Variants in SNRNP25 observed in about 807,000 individuals in gnomAD.
SNRNP25 encodes U11/U12 small nuclear ribonucleoprotein 25 kDa protein.
SNRNP25 carries 21 observed loss-of-function variants against 23.9 expected under a neutral mutation model. The observed-to-expected ratio is 0.88, with a 90% CI of 0.62 to 1.27. The LOEUF (loss-of-function observed/expected upper bound fraction) is 1.27, where lower values mean the gene tolerates loss of function less well. Among genes scored for constraint, SNRNP25 ranks in the 50% most tolerant of loss-of-function variants. The pLI is 0.00. For missense variants in SNRNP25, 160 were observed against 156.9 expected, an observed-to-expected ratio of 1.02 and a Z score of -0.11; for synonymous variants, 63 against 60.4, an observed-to-expected ratio of 1.04 and a Z score of -0.20.
Position 57,382 on chromosome 16 carries a change from C to T in SNRNP25, c.*239C>T. The T allele has an allele frequency of 1.7e-6, 1 of 573,858 alleles. No homozygotes were observed. Among genetic ancestry groups the T allele is most frequent in the Non-Finnish European group, 3.1e-6 (1 of 320,492 alleles). 35.5% of individuals were successfully genotyped at this position (573,858 alleles called of 1,614,324 possible). ...ACTGACCTCTCCCTAGGTCCAAATGCCCTAGTCACATGGCAGACCCACGGC... is the reference window on the plus strand; with the variant it reads ...ACTGACCTCTCCCTAGGTCCAAATGTCCTAGTCACATGGCAGACCCACGGC... On this transcript the variant is annotated 3_prime_UTR_variant, in exon 5 of 5. Transcript: ENST00000293861.
rs1567109963 is a variant in SNRNP25 at position 56,596 on chromosome 16, C to CA, written c.298dup (p.Arg100LysfsTer70). Reference sequence around the variant, plus strand: ...CTGCAGGAGAGAAACTCACGGAAGACAGAAAGAAGCTCCGAGAGTAAGTGC... The same window carrying CA: ...CTGCAGGAGAGAAACTCACGGAAGACAAGAAAGAAGCTCCGAGAGTAAGTGC... On this transcript the variant is annotated frameshift_variant, in exon 4 of 5. Transcript: ENST00000293861. LOFTEE classifies it high-confidence loss of function. The CA allele has an allele frequency of 6.2e-7, 1 of 1,614,020 alleles. No homozygotes were observed. Among genetic ancestry groups the CA allele is most frequent in the Admixed American group, 1.7e-5 (1 of 60,024 alleles).
Position 53,879 on chromosome 16 carries a change from G to A in SNRNP25, c.-138G>A, listed in dbSNP as rs531906045. 24 of 1,488,798 alleles carry A rather than the reference G, an allele frequency of 1.6e-5. No individual in the cohort carries two copies. In the East Asian group the frequency reaches 5.4e-4, roughly 34 times the overall value. The allele number at this position is 1,488,798 out of a possible 1,614,324, so 92.2% of individuals were successfully genotyped here. On this transcript the variant is annotated 5_prime_UTR_variant, in exon 1 of 5. Coordinates refer to ENST00000293861, the MANE Select transcript of SNRNP25 (RefSeq NM_024571.4). The stretch of plus-strand genomic sequence containing the variant: ...CTCCCTAGTGCGGGCTGGCAGTGCG[G>A]GCAGAGCCCGGCTGAGAGGGGCGGC...
intron 2 of SNRNP25, 63 bp from the exon 3 acceptor site, chr16:55,713 CA>C: frequency 1.3e-6 from 2 of 1,584,194 alleles, no homozygotes; most frequent in Non-Finnish European, 1.7e-6. Flanking sequence ...CCTTTCCTGC[CA>C]TCGGAGGCTG....
At position 57,251 on chromosome 16, in the gene SNRNP25, C is replaced by A; in HGVS notation, c.*108C>A. The A allele has an allele frequency of 8.1e-7, 1 of 1,239,566 alleles. No homozygotes were observed. The highest frequency in any genetic ancestry group is 1.2e-6 in the Non-Finnish European group (1 of 844,950). The allele number at this position is 1,239,566 out of a possible 1,614,324, so 76.8% of individuals were successfully genotyped here. The stretch of plus-strand genomic sequence containing the variant: ...TTTCACAGAAAGGACGTTGTGGTGG[C>A]CTCACCCCAGGCATGCCCAACAGTA... On this transcript the variant is annotated 3_prime_UTR_variant, in exon 5 of 5. Transcript: ENST00000293861.
chr16:57,286 A>G lies in SNRNP25; in HGVS notation c.*143A>G. The G allele has an allele frequency of 1.2e-6, 1 of 855,184 alleles. No homozygotes were observed. The highest frequency in any genetic ancestry group is 1.9e-6 in the Non-Finnish European group (1 of 522,572). The allele number at this position is 855,184 out of a possible 1,614,324, so 53.0% of individuals were successfully genotyped here. ...GGCATGCCCAACAGTAACTGTCAGCATAAACCTGGGGGCCCTCAGGACTAG... is the reference window on the plus strand; with the variant it reads ...GGCATGCCCAACAGTAACTGTCAGCGTAAACCTGGGGGCCCTCAGGACTAG... On this transcript the variant is annotated 3_prime_UTR_variant, in exon 5 of 5. Coordinates refer to ENST00000293861, the MANE Select transcript of SNRNP25 (RefSeq NM_024571.4).
chr16:53,992 G>A lies in SNRNP25; in HGVS notation c.-25G>A. On this transcript the variant is annotated 5_prime_UTR_variant, in exon 1 of 5. An upstream start codon of the reference 5' UTR is lost. Coordinates refer to ENST00000293861, the MANE Select transcript of SNRNP25 (RefSeq NM_024571.4). Reference sequence around the variant, plus strand: ...AGGCGCTGCCGCACTCCGAGGCCATGGACGTGTTCCAGGAGGGTCTGGCTA... The same window carrying A: ...AGGCGCTGCCGCACTCCGAGGCCATAGACGTGTTCCAGGAGGGTCTGGCTA... 6.2e-7 allele frequency: 1 copy of A among 1,609,648 alleles called. No homozygotes were observed. The highest frequency in any genetic ancestry group is 8.5e-7 in the Non-Finnish European group (1 of 1,178,672).
Position 55,479 on chromosome 16 carries a change from C to T in SNRNP25, c.63C>T (p.Asn21=). The change falls in exon 2 of 5, where the codon AAC becomes AAT. Residue 21 remains asparagine, a synonymous_variant. Coordinates refer to ENST00000293861, the MANE Select transcript of SNRNP25 (RefSeq NM_024571.4). ...TGTAGGTTACTCTGGAAGAAGTCAA[C>T]TCCCAAATAGCCCTAGAATACGGCC... ...LPIQVTLEEV[N]SQIALEYGQA... 6.2e-7 allele frequency: 1 copy of T among 1,614,168 alleles called. No homozygotes were observed. Among genetic ancestry groups the T allele is most frequent in the Non-Finnish European group, 8.5e-7 (1 of 1,180,024 alleles).
intron 1 of SNRNP25, among the ~76,000 whole-genome samples, chr16:54,758 C>G (rs530935040): frequency 1.3e-5 from 2 of 152,162 alleles, no homozygotes; most frequent in South Asian, 4.1e-4. Flanking sequence ...TGGTCCGTTG[C>G]CAGGCTGGAG....
rs144268143 is a variant in SNRNP25, at chr16:56,587, C to A, written c.288C>A (p.Leu96=). Reference sequence around the variant, plus strand: ...ATCTGACCTCTGCAGGAGAGAAACTCACGGAAGACAGAAAGAAGCTCCGAG... The same window carrying A: ...ATCTGACCTCTGCAGGAGAGAAACTAACGGAAGACAGAAAGAAGCTCCGAG... ...TYHLTSAGEK[L]TEDRKKLRDY... Residue 96 remains leucine (L), a synonymous_variant, in exon 4 of 5, where the codon CTC becomes CTA. Coordinates refer to ENST00000293861, the MANE Select transcript of SNRNP25 (RefSeq NM_024571.4). 12 of 1,613,944 alleles carry A rather than the reference C, an allele frequency of 7.4e-6. No homozygotes were observed. The African/African-American group carries it at 1.5e-4, about 20-fold the overall frequency.
In SNRNP25 at chr16:57,155, G is replaced by T. The variant is rs765977490; in HGVS notation, c.*12G>T. 1 of 1,613,732 alleles carries T rather than the reference G, an allele frequency of 6.2e-7. No homozygotes were observed. The highest frequency in any genetic ancestry group is 8.5e-7 in the Non-Finnish European group (1 of 1,179,824). The stretch of plus-strand genomic sequence containing the variant: ...TGAGGCAAAAGTGAGCCTCCAGACA[G>T]GACAACCCTCTTCATCACTGGTGGC... On this transcript the variant is annotated 3_prime_UTR_variant, in exon 5 of 5. Coordinates refer to ENST00000293861, the MANE Select transcript of SNRNP25 (RefSeq NM_024571.4).
Position 57,429 on chromosome 16 carries a change from A to C in SNRNP25, c.*286A>C. 2.1e-6 allele frequency: 1 copy of C among 467,628 alleles called. No homozygotes were observed. Among genetic ancestry groups the C allele is most frequent in the Non-Finnish European group, 3.9e-6 (1 of 258,996 alleles). 29.0% of individuals were successfully genotyped at this position (467,628 alleles called of 1,614,324 possible). ...CGGCCTGGCCCACTGTATAAAATAA[A>C]CCTGTTTGCTTCTTAGTTTGAAAAG... On this transcript the variant is annotated 3_prime_UTR_variant, in exon 5 of 5. Transcript: ENST00000293861.
chr16:55,443 C>T lies in SNRNP25; in HGVS notation c.43-16C>T, dbSNP rs1897393935. 1.2e-6 allele frequency: 2 copies of T among 1,612,790 alleles called. No homozygotes were observed. Among genetic ancestry groups the T allele is most frequent in the East Asian group, 2.2e-5 (1 of 44,880 alleles). On this transcript the variant is annotated splice_polypyrimidine_tract_variant and intron_variant, in intron 1 of 4. Coordinates refer to ENST00000293861, the MANE Select transcript of SNRNP25 (RefSeq NM_024571.4). Reference sequence around the variant, plus strand: ...AGAGAGCCAGGGTTCCCACTTCTGCCCTTGGTCTTTTGTAGGTTACTCTGG... The same window carrying T: ...AGAGAGCCAGGGTTCCCACTTCTGCTCTTGGTCTTTTGTAGGTTACTCTGG...
rs766931914 is a variant in SNRNP25, at chr16:55,801, C to T, written c.158C>T (p.Thr53Ile). The T allele has an allele frequency of 5.6e-6, 9 of 1,614,170 alleles. No individual in the cohort carries two copies. The highest frequency in any genetic ancestry group is 2.2e-5 in the East Asian group (1 of 44,890). Residue 53 changes from threonine to isoleucine, a missense_variant, in exon 3 of 5, where the codon ACA becomes ATA. Thr to Ile is a moderately conservative substitution (Grantham distance 89, BLOSUM62 -1). Coordinates refer to ENST00000293861, the MANE Select transcript of SNRNP25 (RefSeq NM_024571.4). ...VMPVVVVQSA[T>I]VLDLKKAIQR... is the part of the protein sequence containing the mutation. ...GCCGTGGTTGTAGTGCAGAGTGCCA[C>T]AGTCCTGGACCTGAAGAAGGCCATC...
At position 55,459 on chromosome 16, in the gene SNRNP25, G is replaced by T; in HGVS notation, c.43G>T (p.Val15Phe). The T allele has an allele frequency of 6.2e-7, 1 of 1,614,084 alleles. No homozygotes were observed. Among genetic ancestry groups the T allele is most frequent in the Non-Finnish European group, 8.5e-7 (1 of 1,179,952 alleles). The part of the protein sequence containing the change: ...DPLLCDLPIQ[V>F]TLEEVNSQIA... ...CACTTCTGCCCTTGGTCTTTTGTAG[G>T]TTACTCTGGAAGAAGTCAACTCCCA... is the stretch of plus-strand genomic sequence containing the variant. Residue 15 changes from valine to phenylalanine, a missense_variant and splice_region_variant, in exon 2 of 5, where the codon GTT becomes TTT. By Grantham distance (50) the Val-to-Phe change is conservative. Coordinates refer to ENST00000293861, the MANE Select transcript of SNRNP25 (RefSeq NM_024571.4).
At position 57,432 on chromosome 16, in the gene SNRNP25, T is replaced by G. The variant is rs552040052; in HGVS notation, c.*289T>G. The G allele has an allele frequency of 2.2e-6, 1 of 459,956 alleles. No individual in the cohort carries two copies. The highest frequency in any genetic ancestry group is 1.9e-5 in the African/African-American group (1 of 51,744). 28.5% of individuals were successfully genotyped at this position (459,956 alleles called of 1,614,324 possible). On this transcript the variant is annotated 3_prime_UTR_variant, in exon 5 of 5. Coordinates refer to ENST00000293861, the MANE Select transcript of SNRNP25 (RefSeq NM_024571.4). Reference sequence around the variant, plus strand: ...CCTGGCCCACTGTATAAAATAAACCTGTTTGCTTCTTAGTTTGAAAAGTAG... The same window carrying G: ...CCTGGCCCACTGTATAAAATAAACCGGTTTGCTTCTTAGTTTGAAAAGTAG...
rs139562459 is a variant in SNRNP25, at chr16:56,581, G to T, written c.282G>T (p.Glu94Asp). Reference protein sequence around the residue: ...WRTYHLTSAGEKLTEDRKKLR... With the variant: ...WRTYHLTSAGDKLTEDRKKLR... ...CGTACCATCTGACCTCTGCAGGAGA[G>T]AAACTCACGGAAGACAGAAAGAAGC... Residue 94 changes from glutamate (E) to aspartate (D), a missense_variant, in exon 4 of 5, where the codon GAG becomes GAT. Transcript: ENST00000293861. 8 of 1,613,948 alleles carry T rather than the reference G, an allele frequency of 5.0e-6. No individual in the cohort carries two copies. The highest frequency in any genetic ancestry group is 6.8e-6 in the Non-Finnish European group (8 of 1,180,042).
intron 3 of SNRNP25, chr16:56,163 G>C (rs985968562): frequency 3.2e-6 from 2 of 626,484 alleles, no homozygotes; most frequent in Non-Finnish European, 5.9e-6. Flanking sequence ...GACACTGTCG[G>C]GAATTTCCAG....
intron 1 of SNRNP25, chr16:54,976 G>A (rs993696633): frequency 3.2e-5 from 5 of 158,714 alleles, no homozygotes; most frequent in Non-Finnish European, 5.6e-5. Flanking sequence ...CACCGCGCCC[G>A]GCCAATTTTA....
At chr16:55,918 C>T (rs533686141) in intron 3 of SNRNP25, 36 bp downstream of exon 3, 4 of 1,586,330 alleles carry the variant, frequency 2.5e-6, no homozygotes, top group East Asian at 4.5e-5. Flanking sequence ...TATAGCCCTT[C>T]GTGGGGCTAG....
Sources: gnomAD v4.1 joint callset for allele counts (sites outside exome capture counted in the v4.1 genomes callset) on GRCh38, gnomAD v4.1.1 for gene constraint, MANE v1.5 for transcripts, NCBI Gene and HGNC (gene_info 2026-07-23, HGNC 2026-07-21) for gene names.